Variants in GABRG3 observed in about 807,000 individuals in gnomAD.
GABRG3 encodes gamma-aminobutyric acid receptor subunit gamma-3.
In GABRG3, 25 loss-of-function variants were observed where a neutral mutation model predicts 48.8. That is an observed-to-expected ratio of 0.51 (90% CI 0.37 to 0.72). The LOEUF (loss-of-function observed/expected upper bound fraction) is 0.72, where lower values mean the gene tolerates loss of function less well. Ranked by LOEUF, GABRG3 falls within the 30% of genes least tolerant of loss-of-function variation. GABRG3 has a pLI of 0.00. For missense variants in GABRG3, 394 were observed against 577.9 expected (o/e 0.68, Z 3.26); for synonymous variants, 227 against 217.6 (o/e 1.04, Z -0.38).
intron 5 of GABRG3, among the ~76,000 whole-genome samples, chr15:27,380,451 T>G (rs974403772): frequency 2.0e-5 from 3 of 152,042 alleles, no homozygotes; most frequent in Non-Finnish European, 4.4e-5. Flanking sequence ...TTAGTATGCC[T>G]TATAATTTTT....
chr15:27,236,533 A>G lies in GABRG3; in HGVS notation c.271-90276A>G, dbSNP rs866607724. Reference sequence around the variant, plus strand: ...CAGCTCTGGAAAACAAGAAATGAACAACTTATCCCTTTATCGCCCTTAGCC... The same window carrying G: ...CAGCTCTGGAAAACAAGAAATGAACGACTTATCCCTTTATCGCCCTTAGCC... On this transcript the variant is annotated intron_variant, in intron 3 of 9. Coordinates refer to ENST00000615808, the MANE Select transcript of GABRG3 (RefSeq NM_033223.5). The surrounding 1 kb of genome is among the most constrained non-coding windows in gnomAD (Gnocchi z 4.4). Among the ~76,000 whole-genome samples the G allele has an allele frequency of 6.6e-6, 1 of 152,182 alleles. No homozygotes were observed.
chr15:27,253,930 C>G (rs1044539042), intron 3 of GABRG3, among the ~76,000 whole-genome samples: 2 of 152,158 alleles, frequency 1.3e-5, no homozygotes, highest in African/African-American at 4.8e-5. Context: ...TTTAAATTTC[C>G]TGGTTTAAAT....
At chr15:27,385,846 CTT>C (rs1278276813) in intron 5 of GABRG3, among the ~76,000 whole-genome samples, 1 of 152,114 alleles carries the variant, frequency 6.6e-6, no homozygotes, top group African/African-American at 2.4e-5. Context: ...TCTTTGTAGT[CTT>C]TGTCTGTTAA....
At chr15:27,001,437 C>T (rs1274520929) in intron 2 of GABRG3, among the ~76,000 whole-genome samples, 5 of 152,182 alleles carry the variant, frequency 3.3e-5, no homozygotes, top group South Asian at 4.1e-4. Flanking sequence ...AGCTGACTCC[C>T]GCACACAATG....
intron 3 of GABRG3, among the ~76,000 whole-genome samples, chr15:27,322,314 G>A (rs1893455163): frequency 6.6e-6 from 1 of 152,140 alleles, no homozygotes; most frequent in Non-Finnish European, 1.5e-5. Context: ...GAACACTGTA[G>A]GACGCTCCCC....
chr15:27,248,767 A>AACACACACAC lies in GABRG3; in HGVS notation c.271-78014_271-78005dup, dbSNP rs150140195. Reference sequence around the variant, plus strand: ...TGGAAGAGTTTTAGGTGAGAAGGAAAACACACACACACACACACACACACA... The same window carrying AACACACACAC: ...TGGAAGAGTTTTAGGTGAGAAGGAAAACACACACACACACACACACACACACACACACACA... On this transcript the variant is annotated intron_variant, in intron 3 of 9. Transcript: ENST00000615808. Among the ~76,000 whole-genome samples, 152 of 117,074 alleles carry AACACACACAC rather than the reference A, an allele frequency of 1.3e-3. 1 individual carries two copies. The highest frequency in any genetic ancestry group is 4.7e-3 in the Middle Eastern group (1 of 212). The allele number at this position is 117,074 out of a possible 152,430, so 76.8% of individuals were successfully genotyped here.
chr15:27,038,735 G>A (rs970462971), intron 3 of GABRG3, among the ~76,000 whole-genome samples: 1 of 152,182 alleles, frequency 6.6e-6, no homozygotes, highest in Non-Finnish European at 1.5e-5. Flanking sequence ...GGTGCAGGGA[G>A]CCCCGCCCCA....
chr15:27,385,543 G>A (rs1895896994), intron 5 of GABRG3, among the ~76,000 whole-genome samples: 1 of 152,014 alleles, frequency 6.6e-6, no homozygotes, highest in Non-Finnish European at 1.5e-5. Context: ...GGTCTCTGAA[G>A]CTGTGTTTAT....
At chr15:27,001,888 G>GTTTTTTTTTTGTT (rs761361586) in intron 2 of GABRG3, among the ~76,000 whole-genome samples, 2 of 121,230 alleles carry the variant, frequency 1.6e-5, no homozygotes, top group Non-Finnish European at 3.4e-5. Flanking sequence ...CCATAACTCA[G>GTTTTTTTTTTGTT]TTTTTTTTTT....
chr15:27,164,950 T>C (rs1428660406), intron 3 of GABRG3, among the ~76,000 whole-genome samples: 1 of 152,204 alleles, frequency 6.6e-6, no homozygotes, highest in Non-Finnish European at 1.5e-5. Flanking sequence ...ATGAAGTGTT[T>C]AGAAAGCCAG....
In GABRG3 at chr15:26,983,872, CTG is replaced by C. The variant is rs1417656642; in HGVS notation, c.202+6725_202+6726del. Among the ~76,000 whole-genome samples, 3 of 152,200 alleles carry C rather than the reference CTG, an allele frequency of 2.0e-5. No homozygotes were observed. The East Asian group carries it at 5.8e-4, about 29-fold the overall frequency. ...ACTTCTCCACTACCATTTGCTGACT[CTG>C]TGAATCACGTGCCGGGTACTTCAGG... On this transcript the variant is annotated intron_variant, in intron 2 of 9. Transcript: ENST00000615808.
intron 3 of GABRG3, among the ~76,000 whole-genome samples, chr15:27,266,879 T>C (rs573164305): frequency 2.4e-4 from 37 of 152,334 alleles, no homozygotes; most frequent in African/African-American, 8.2e-4. Context: ...TATTGTATCC[T>C]GAAACTTTGC....
intron 3 of GABRG3, among the ~76,000 whole-genome samples, chr15:27,289,458 A>G (rs908735635): frequency 6.6e-6 from 1 of 152,170 alleles, no homozygotes; most frequent in African/African-American, 2.4e-5. Flanking sequence ...GAATATGACA[A>G]AATAATCTTA....
chr15:27,439,566 C>A (rs1888721027), intron 5 of GABRG3, among the ~76,000 whole-genome samples: 1 of 152,134 alleles, frequency 6.6e-6, no homozygotes, highest in African/African-American at 2.4e-5. Context: ...CCACGGGGGT[C>A]CATGTATGTA....
At chr15:27,255,360 T>C (rs1348477124) in intron 3 of GABRG3, among the ~76,000 whole-genome samples, 1 of 152,172 alleles carries the variant, frequency 6.6e-6, no homozygotes, top group East Asian at 1.9e-4. Flanking sequence ...CTAACAGACT[T>C]TCCTGGCAGG....
intron 2 of GABRG3, among the ~76,000 whole-genome samples, chr15:27,017,296 C>T (rs1200775616): frequency 6.6e-6 from 1 of 152,084 alleles, no homozygotes; most frequent in African/African-American, 2.4e-5. Context: ...TTCGAAGAAC[C>T]GCAATTACTT....
intron 3 of GABRG3, among the ~76,000 whole-genome samples, chr15:27,165,363 C>G (rs1887339285): frequency 6.6e-6 from 1 of 152,338 alleles, no homozygotes; most frequent in Non-Finnish European, 1.5e-5. Context: ...ACCTCCATGA[C>G]AAAGCCTCTG....
intron 3 of GABRG3, among the ~76,000 whole-genome samples, chr15:27,191,077 T>C (rs1020435211): frequency 6.6e-6 from 1 of 152,246 alleles, no homozygotes; most frequent in East Asian, 1.9e-4. Flanking sequence ...TTGATTGCAC[T>C]GTGGTCTGAG....
chr15:27,346,107 G>A (rs539608446), intron 5 of GABRG3, among the ~76,000 whole-genome samples: 12 of 135,002 alleles, frequency 8.9e-5, no homozygotes, highest in South Asian at 4.6e-4. Context: ...AGGAAAGAAA[G>A]AGAAAGGAAA....
Sources: allele counts gnomAD v4.1 joint callset (sites outside exome capture counted in the v4.1 genomes callset), GRCh38; gene constraint gnomAD v4.1.1; non-coding constraint Gnocchi (gnomAD v3.1); transcripts MANE v1.5; gene names NCBI Gene and HGNC (gene_info 2026-07-23, HGNC 2026-07-21).